Variants in MGAT4C observed in about 807,000 individuals in gnomAD.
MGAT4C encodes the protein MGAT4 family member C, also known as alpha-1,3-mannosyl-glycoprotein 4-beta-N-acetylglucosaminyltransferase C.
In MGAT4C, 19 loss-of-function variants were observed where a neutral mutation model predicts 40.1. The observed-to-expected ratio is 0.47, with a 90% confidence interval of 0.33 to 0.70. The LOEUF is 0.70. MGAT4C is among the 30% of genes least tolerant of loss of function. The pLI is 0.02. For synonymous variants in MGAT4C, 181 were observed against 187.1 expected, an observed-to-expected ratio of 0.97 and a Z score of 0.27; for missense variants, 491 against 563.2, an observed-to-expected ratio of 0.87 and a Z score of 1.30.
chr12:86,304,416 G>A (rs1029184888), intron 4 of MGAT4C, among the ~76,000 whole-genome samples: 4 of 150,412 alleles, frequency 2.7e-5, no homozygotes, highest in African/African-American at 1.0e-4. Context: ...AAAGCTATTA[G>A]ATTAAGAGAA....
chr12:86,535,877 A>G (rs955863383), intron 2 of MGAT4C, among the ~76,000 whole-genome samples: 2 of 152,142 alleles, frequency 1.3e-5, no homozygotes, highest in Admixed American at 1.3e-4. Context: ...TGAATTCAAA[A>G]GAGATGTGTA....
intron 3 of MGAT4C, among the ~76,000 whole-genome samples, chr12:86,414,437 A>G (rs1956666688): frequency 6.6e-6 from 1 of 152,180 alleles, no homozygotes; most frequent in South Asian, 2.1e-4. Context: ...TATTCTCATA[A>G]GAACAATTTC....
intron 4 of MGAT4C, among the ~76,000 whole-genome samples, chr12:86,313,736 G>T (rs1022736000): frequency 3.3e-5 from 5 of 152,152 alleles, no homozygotes; most frequent in Admixed American, 2.6e-4. Context: ...AATAACTAAG[G>T]TCTAATTACC....
rs1385743202 is a variant in MGAT4C at position 86,037,794 on chromosome 12, T to C, written c.-7+11880A>G. Among the ~76,000 whole-genome samples, 8 of 150,006 alleles carry C rather than the reference T, an allele frequency of 5.3e-5. 1 individual carries two copies. The highest frequency in any genetic ancestry group is 1.2e-4 in the Non-Finnish European group (8 of 66,926). On this transcript the variant is annotated intron_variant, in intron 2 of 4. Coordinates refer to ENST00000611864, the MANE Select transcript of MGAT4C (RefSeq NM_001351288.2). Reference sequence around the variant, plus strand: ...GATTTGGGGTGGAGAGTTCTGTCGATGTATATTATATATGCTTGGTCCAGA... The same window carrying C: ...GATTTGGGGTGGAGAGTTCTGTCGACGTATATTATATATGCTTGGTCCAGA...
At chr12:86,605,390 G>A (rs1319198863) in intron 2 of MGAT4C, among the ~76,000 whole-genome samples, 2 of 151,942 alleles carry the variant, frequency 1.3e-5, no homozygotes, top group African/African-American at 2.4e-5. Flanking sequence ...ATTTTTCGAT[G>A]AGTAAACATG....
At chr12:86,132,970 A>G (rs1441858294) in intron 1 of MGAT4C, among the ~76,000 whole-genome samples, 1 of 152,108 alleles carries the variant, frequency 6.6e-6, no homozygotes, top group East Asian at 1.9e-4. Flanking sequence ...TACCGAGTCT[A>G]TATATTTTCT....
chr12:86,160,684 C>T (rs1885497355), intron 1 of MGAT4C, among the ~76,000 whole-genome samples: 1 of 151,976 alleles, frequency 6.6e-6, no homozygotes, highest in Non-Finnish European at 1.5e-5. Context: ...GCTAAAGTCT[C>T]CTACAATTAT....
At chr12:86,633,058 T>G (rs1052146604) in intron 2 of MGAT4C, among the ~76,000 whole-genome samples, 1 of 151,900 alleles carries the variant, frequency 6.6e-6, no homozygotes, top group Non-Finnish European at 1.5e-5. Context: ...ATATATATTA[T>G]ATATTTGAAG....
intron 2 of MGAT4C, among the ~76,000 whole-genome samples, chr12:86,637,093 T>G (rs536440591): frequency 6.6e-6 from 1 of 152,024 alleles, no homozygotes; most frequent in South Asian, 2.1e-4. Context: ...TCATAGCCAC[T>G]GACTGATTAT....
intron 1 of MGAT4C, among the ~76,000 whole-genome samples, chr12:86,114,651 C>A (rs148220644): frequency 4.0e-5 from 6 of 151,576 alleles, no homozygotes; most frequent in African/African-American, 1.5e-4. Flanking sequence ...TTTACTCGTG[C>A]CATATAAGAA....
intron 3 of MGAT4C, among the ~76,000 whole-genome samples, chr12:86,355,104 G>A (rs1187319940): frequency 1.3e-5 from 2 of 152,244 alleles, no homozygotes; most frequent in East Asian, 1.9e-4. Context: ...TTTTTACAGA[G>A]CACTGATTGG....
At chr12:86,620,729 A>C (rs1220629118) in intron 2 of MGAT4C, among the ~76,000 whole-genome samples, 2 of 152,196 alleles carry the variant, frequency 1.3e-5, no homozygotes, top group Non-Finnish European at 2.9e-5. Context: ...TCTAATCCCC[A>C]GTGTTGAAGG....
At chr12:86,196,271 C>T in intron 1 of MGAT4C, among the ~76,000 whole-genome samples, 1 of 152,214 alleles carries the variant, frequency 6.6e-6, no homozygotes, top group East Asian at 1.9e-4. Context: ...GTTTGCCTAA[C>T]AAGGCAAATT....
intron 1 of MGAT4C, among the ~76,000 whole-genome samples, chr12:86,160,743 A>G (rs1885502786): frequency 6.6e-6 from 1 of 152,012 alleles, no homozygotes; most frequent in African/African-American, 2.4e-5. Context: ...TGTTTTATAA[A>G]TCTGGGTGCT....
At chr12:86,394,632 A>ATATATATATT (rs1956221693) in intron 3 of MGAT4C, among the ~76,000 whole-genome samples, 1 of 143,132 alleles carries the variant, frequency 7.0e-6, no homozygotes, top group Non-Finnish European at 1.5e-5. Flanking sequence ...ATATATATAT[A>ATATATATATT]TATGTACTTT....
At chr12:86,802,467 T>C (rs1952250406) in intron 1 of MGAT4C, among the ~76,000 whole-genome samples, 1 of 152,046 alleles carries the variant, frequency 6.6e-6, no homozygotes, top group East Asian at 1.9e-4. Context: ...TATTCACTAA[T>C]TATTTCAAGC....
At chr12:86,280,130 T>C (rs1953177653) in intron 4 of MGAT4C, among the ~76,000 whole-genome samples, 1 of 152,068 alleles carries the variant, frequency 6.6e-6, no homozygotes, top group Admixed American at 6.5e-5. Context: ...TCTGTAAATA[T>C]TTATTCGGTC....
intron 1 of MGAT4C, among the ~76,000 whole-genome samples, chr12:86,237,951 G>A (rs1416775204): frequency 2.0e-5 from 3 of 151,960 alleles, no homozygotes; most frequent in South Asian, 4.1e-4. Context: ...CACTGGGGTT[G>A]TAGAGTCATT....
chr12:86,339,129 G>A lies in MGAT4C; in HGVS notation c.-119-5002C>T, dbSNP rs192964631. Among the ~76,000 whole-genome samples the A allele has an allele frequency of 3.0e-3, 453 of 152,016 alleles. 2 individuals are homozygous for A. The highest frequency in any genetic ancestry group is 0.01 in the African/African-American group (432 of 41,470). ...TATTGTTATTATTGTTATCCCTATT[G>A]TACAGATGAAAAAATTGGAGCACAA... On this transcript the variant is annotated intron_variant, in intron 3 of 7. Transcript: ENST00000548651.
Sources: allele counts gnomAD v4.1 joint callset (sites outside exome capture counted in the v4.1 genomes callset), GRCh38; gene constraint gnomAD v4.1.1; transcripts MANE v1.5; gene names NCBI Gene and HGNC (gene_info 2026-07-23, HGNC 2026-07-21).